GPC5: variants seen among roughly 807,000 people sequenced by gnomAD.
GPC5 encodes the protein glypican 5.
In GPC5, 47 loss-of-function variants were observed where a neutral mutation model predicts 53.9. That is an observed-to-expected ratio of 0.87 (90% CI 0.69 to 1.11). GPC5 has a LOEUF of 1.11. GPC5 is among the 50% of genes most tolerant of loss of function. GPC5 has a pLI of 0.00. For synonymous variants in GPC5, 286 were observed against 263.3 expected, an observed-to-expected ratio of 1.09 and a Z score of -0.84; for missense variants, 748 against 713.1, an observed-to-expected ratio of 1.05 and a Z score of -0.56.
Position 91,399,060 on chromosome 13 carries a change from C to G in GPC5, c.14C>G (p.Thr5Ser). 1 of 1,560,680 alleles carries G rather than the reference C, an allele frequency of 6.4e-7. No homozygotes were observed. Among genetic ancestry groups the G allele is most frequent in the South Asian group, 1.2e-5 (1 of 84,694 alleles). MDAQ[T>S]WPVGFRCLLL... is the part of the protein sequence containing the mutation. ...AGGACGGCGAGGATGGACGCACAGA[C>G]CTGGCCCGTGGGCTTTCGCTGCCTC... is the stretch of plus-strand genomic sequence containing the variant. The change falls in exon 1 of 8, where the codon ACC becomes AGC. Residue 5 changes from threonine to serine, a missense_variant. Thr to Ser is a moderately conservative substitution (Grantham distance 58). Transcript: ENST00000377067.
chr13:92,167,447 T>C (rs1271219232), intron 7 of GPC5, among the ~76,000 whole-genome samples: 1 of 151,954 alleles, frequency 6.6e-6, no homozygotes, highest in African/African-American at 2.4e-5. Context: ...TGCAAATGAT[T>C]GAAGCTGTAA....
chr13:92,709,081 C>A (rs1017733192), intron 7 of GPC5, among the ~76,000 whole-genome samples: 1 of 150,330 alleles, frequency 6.7e-6, no homozygotes, highest in Non-Finnish European at 1.5e-5. Flanking sequence ...GTGTTTCGCT[C>A]TTGTTGCCCA....
chr13:91,867,171 C>T (rs527436710), intron 5 of GPC5, among the ~76,000 whole-genome samples: 5 of 152,158 alleles, frequency 3.3e-5, no homozygotes, highest in Non-Finnish European at 4.4e-5. Flanking sequence ...GCCGAGGTCA[C>T]GCCATTGTGC....
chr13:91,607,224 G>T (rs2033398937), intron 2 of GPC5, among the ~76,000 whole-genome samples: 1 of 152,132 alleles, frequency 6.6e-6, no homozygotes, highest in East Asian at 1.9e-4. Context: ...AATCACCGGT[G>T]CACCTTGAAA....
At chr13:91,830,545 G>T (rs1294986380) in intron 5 of GPC5, among the ~76,000 whole-genome samples, 1 of 151,710 alleles carries the variant, frequency 6.6e-6, no homozygotes, top group African/African-American at 2.4e-5. Context: ...ACAGTTTTAT[G>T]TTCAGAGATT....
intron 1 of GPC5, among the ~76,000 whole-genome samples, chr13:91,445,631 T>A (rs1254429433): frequency 1.3e-5 from 2 of 152,124 alleles, no homozygotes; most frequent in Non-Finnish European, 2.9e-5. Flanking sequence ...CATGCCACCA[T>A]GCCCAGCTAA....
chr13:92,215,962 G>A (rs1290513451), intron 7 of GPC5, among the ~76,000 whole-genome samples: 4 of 152,152 alleles, frequency 2.6e-5, no homozygotes, highest in African/African-American at 9.7e-5. Flanking sequence ...CATGGTGAGA[G>A]GGTCTGGGAA....
At chr13:91,419,817 A>G (rs1878482325) in intron 1 of GPC5, among the ~76,000 whole-genome samples, 1 of 152,202 alleles carries the variant, frequency 6.6e-6, no homozygotes, top group Non-Finnish European at 1.5e-5. Flanking sequence ...GATGGCCATT[A>G]CCTATGGAAT....
intron 7 of GPC5, among the ~76,000 whole-genome samples, chr13:92,213,610 T>TTA (rs1183018844): frequency 2.0e-5 from 3 of 152,138 alleles, no homozygotes; most frequent in Admixed American, 2.0e-4. Flanking sequence ...GCAGAGGGTG[T>TTA]TATAACTACT....
chr13:91,835,977 C>T (rs1414947393), intron 5 of GPC5, among the ~76,000 whole-genome samples: 1 of 151,980 alleles, frequency 6.6e-6, no homozygotes, highest in African/African-American at 2.4e-5. Context: ...GTTCTTTAAG[C>T]ACACCATTTA....
At chr13:91,940,015 A>G (rs1255562072) in intron 6 of GPC5, among the ~76,000 whole-genome samples, 4 of 151,830 alleles carry the variant, frequency 2.6e-5, no homozygotes, top group Non-Finnish European at 5.9e-5. Context: ...CCTAGATTCC[A>G]CTCTCCATCA....
intron 7 of GPC5, among the ~76,000 whole-genome samples, chr13:92,480,663 A>C (rs1429152586): frequency 6.6e-6 from 1 of 152,012 alleles, no homozygotes; most frequent in Non-Finnish European, 1.5e-5. Context: ...AGACTAAAAA[A>C]CACTGTGGTA....
At chr13:91,650,942 T>C (rs534276222) in intron 2 of GPC5, among the ~76,000 whole-genome samples, 8 of 152,094 alleles carry the variant, frequency 5.3e-5, no homozygotes, top group Admixed American at 1.3e-4. Flanking sequence ...TTATTAATAT[T>C]GAGTATATTT....
At chr13:92,039,788 T>C (rs944167272) in intron 6 of GPC5, among the ~76,000 whole-genome samples, 12 of 152,194 alleles carry the variant, frequency 7.9e-5, no homozygotes, top group Non-Finnish European at 1.8e-4. Context: ...CTGTTCAAAT[T>C]TCCTCTTCTT....
chr13:91,914,636 ATC>A (rs990146201), intron 6 of GPC5, among the ~76,000 whole-genome samples: 3 of 65,052 alleles, frequency 4.6e-5, no homozygotes, highest in Non-Finnish European at 1.1e-4. Context: ...GTGCTAAATT[ATC>A]TCTTAGTCTT....
At chr13:92,082,719 C>T (rs2138883255) in intron 6 of GPC5, among the ~76,000 whole-genome samples, 1 of 152,144 alleles carries the variant, frequency 6.6e-6, no homozygotes, top group Admixed American at 6.5e-5. Flanking sequence ...TATTATTGAG[C>T]CATTATTCAA....
chr13:92,820,465 C>A (rs987728065), intron 7 of GPC5, among the ~76,000 whole-genome samples: 2 of 152,052 alleles, frequency 1.3e-5, no homozygotes, highest in African/African-American at 4.8e-5. Context: ...ATTCTTCATT[C>A]CTCACTCTCA....
chr13:91,853,866 A>G (rs1315420480), intron 5 of GPC5, among the ~76,000 whole-genome samples: 1 of 151,916 alleles, frequency 6.6e-6, no homozygotes, highest in Non-Finnish European at 1.5e-5. Context: ...CAAACCCTAC[A>G]TTGGGTTTTG....
chr13:92,778,063 G>T (rs1875883257), intron 7 of GPC5, among the ~76,000 whole-genome samples: 1 of 152,090 alleles, frequency 6.6e-6, no homozygotes, highest in East Asian at 1.9e-4. Flanking sequence ...TATTTTCATG[G>T]GAATGAGCAA....
Sources: gnomAD v4.1 joint callset for allele counts (sites outside exome capture counted in the v4.1 genomes callset) on GRCh38, gnomAD v4.1.1 for gene constraint, MANE v1.5 for transcripts, NCBI Gene and HGNC (gene_info 2026-07-23, HGNC 2026-07-21) for gene names.